Variants in SMG1 observed in about 807,000 individuals in gnomAD.
SMG1 encodes serine/threonine-protein kinase SMG1.
A neutral mutation model predicts 419.9 loss-of-function variants in SMG1; 22 were observed. That is an observed-to-expected ratio of 0.05 (90% CI 0.04 to 0.07). The LOEUF (loss-of-function observed/expected upper bound fraction) is 0.07, where lower values mean the gene tolerates loss of function less well. SMG1 is among the 10% of genes least tolerant of loss of function. SMG1 has a pLI of 1.00. For synonymous variants in SMG1, 1,538 were observed against 1,553.5 expected (o/e 0.99, Z 0.23); for missense variants, 3,185 against 4,342.0 (o/e 0.73, Z 7.49).
chr16:18,877,361 T>C (rs777316402), intron 11 of SMG1, 129 bp from the exon 12 acceptor site: 1 of 554,912 alleles, frequency 1.8e-6, no homozygotes, highest in Admixed American at 3.3e-5. Context: ...TCCAACTACA[T>C]GGCATTCTGG....
In SMG1 at chr16:18,900,150, A is replaced by G. The variant is rs537792408; in HGVS notation, c.93-3194T>C. 1.9e-5 allele frequency: 12 copies of G among 638,196 alleles called. No homozygotes were observed. In the South Asian group the frequency reaches 2.3e-4, roughly 12 times the overall value. 39.5% of individuals were successfully genotyped at this position (638,196 alleles called of 1,614,324 possible). ...TGAGTTAGGTGCCTTTAGTTGAACTATGGTCCCATTAGGGTTCATACATTA... is the reference window on the plus strand; with the variant it reads ...TGAGTTAGGTGCCTTTAGTTGAACTGTGGTCCCATTAGGGTTCATACATTA... On this transcript the variant is annotated intron_variant, in intron 1 of 62. Coordinates refer to ENST00000446231, the MANE Select transcript of SMG1 (RefSeq NM_015092.5).
intron 1 of SMG1, among the ~76,000 whole-genome samples, chr16:18,905,279 C>CA (rs2037516400): frequency 1.3e-5 from 2 of 152,012 alleles, no homozygotes; most frequent in South Asian, 4.2e-4. Context: ...AAACAAAAAA[C>CA]AAAAAAACCC....
chr16:18,872,412 A>C (rs2035870583), intron 14 of SMG1, 67 bp from the exon 15 acceptor site: 2 of 1,477,122 alleles, frequency 1.4e-6, no homozygotes, highest in East Asian at 4.8e-5. Context: ...CCAAAGTTAA[A>C]TCAACATACA....
chr16:18,859,305 C>T (rs1356420827), intron 27 of SMG1, 124 bp from the exon 28 acceptor site: 1 of 681,142 alleles, frequency 1.5e-6, no homozygotes, highest in African/African-American at 1.8e-5. Flanking sequence ...GAGGAGCAGC[C>T]TGCTCTATAA....
At chr16:18,880,737 G>A (rs2036351931) in intron 10 of SMG1, among the ~76,000 whole-genome samples, 2 of 142,604 alleles carry the variant, frequency 1.4e-5, no homozygotes, top group Admixed American at 7.0e-5. Context: ...GGGGCGCGGA[G>A]GGGGAAGCAT....
At position 18,838,071 on chromosome 16, in the gene SMG1, T is replaced by G; in HGVS notation, c.7356A>C (p.Arg2452Ser). Residue 2452 changes from arginine (R) to serine (S), a missense_variant, in exon 45 of 63, where the codon AGA becomes AGC. Arg to Ser is a moderately radical substitution (Grantham distance 110). Coordinates refer to ENST00000446231, the MANE Select transcript of SMG1 (RefSeq NM_015092.5). ...GQQAESKQSK[R>S]EMEREITRSL... ...TGCGGGTGATCTCTCGCTCCATCTC[T>G]CTCTTGCTCTGCTTGCTCTCGGCCT... 6.2e-7 allele frequency: 1 copy of G among 1,613,980 alleles called. No individual in the cohort carries two copies.
At chr16:18,907,060 G>C (rs2037590173) in intron 1 of SMG1, among the ~76,000 whole-genome samples, 1 of 152,100 alleles carries the variant, frequency 6.6e-6, no homozygotes, top group Admixed American at 6.5e-5. Flanking sequence ...GAGGCGGATG[G>C]ATCACTTGAG....
intron 1 of SMG1, among the ~76,000 whole-genome samples, chr16:18,903,365 G>A (rs1200096109): frequency 6.6e-6 from 1 of 152,114 alleles, no homozygotes; most frequent in Non-Finnish European, 1.5e-5. Flanking sequence ...TCACATCCAT[G>A]CCCCAGTGCT....
Position 18,816,524 on chromosome 16 carries a change from A to G in SMG1, c.10080T>C (p.Thr3360=). 1 of 1,613,758 alleles carries G rather than the reference A, an allele frequency of 6.2e-7. No homozygotes were observed. The highest frequency in any genetic ancestry group is 8.5e-7 in the Non-Finnish European group (1 of 1,179,724). The stretch of plus-strand genomic sequence containing the variant: ...AGCTGCCAATAGGATGTTCAAGACC[A>G]GTGTCCTAAATAGAACAAGCATTTG... ...LELRLLQRVD[T]GLEHPIGSSE... is the part of the protein sequence containing the mutation. The change falls in exon 58 of 63, where the codon ACT becomes ACC. Residue 3360 remains threonine (T), a synonymous_variant. Coordinates refer to ENST00000446231, the MANE Select transcript of SMG1 (RefSeq NM_015092.5).
At chr16:18,815,134 TA>T in intron 60 of SMG1, 40 bp downstream of exon 60, 1 of 1,244,878 alleles carries the variant, frequency 8.0e-7, no homozygotes, top group Non-Finnish European at 1.1e-6. Context: ...CATCTATGTG[TA>T]ACATTAACAA....
At position 18,848,020 on chromosome 16, in the gene SMG1, G is replaced by A. The variant is rs781497345; in HGVS notation, c.5637C>T (p.Ser1879=). 3 of 1,613,308 alleles carry A rather than the reference G, an allele frequency of 1.9e-6. No homozygotes were observed. Among genetic ancestry groups the A allele is most frequent in the South Asian group, 1.1e-5 (1 of 91,052 alleles). Residue 1879 remains serine (S), a synonymous_variant, in exon 37 of 63, where the codon TCC becomes TCT. Transcript: ENST00000446231. ...SESQASGNKF[S]TAIPTLLGNI... is the part of the protein sequence containing the mutation. ...TGCCAAGTAAAGTTGGAATTGCAGT[G>A]GAAAATTTATTTCCTGTAATGAAAT...
chr16:18,888,222 G>A (rs1596602065), intron 6 of SMG1, among the ~76,000 whole-genome samples: 1 of 147,272 alleles, frequency 6.8e-6, no homozygotes, highest in Non-Finnish European at 1.5e-5. Context: ...ACACAAATGT[G>A]AAATAAAACT....
chr16:18,876,613 A>C (rs1292011486), intron 12 of SMG1, among the ~76,000 whole-genome samples: 1 of 152,058 alleles, frequency 6.6e-6, no homozygotes, highest in Non-Finnish European at 1.5e-5. Flanking sequence ...TTTATCACAA[A>C]TACAGAGTAC....
chr16:18,885,861 G>A (rs1045501509), intron 6 of SMG1, among the ~76,000 whole-genome samples, 195 bp from the exon 7 acceptor site: 4 of 151,574 alleles, frequency 2.6e-5, no homozygotes, highest in South Asian at 2.1e-4. Flanking sequence ...CACAAGAATC[G>A]CTTGAACCCA....
intron 25 of SMG1, among the ~76,000 whole-genome samples, chr16:18,862,649 GCCC>G (rs924493064): frequency 3.3e-5 from 5 of 151,502 alleles, no homozygotes; most frequent in Non-Finnish European, 7.4e-5. Context: ...TTCCATACTT[GCCC>G]CCCACCTCCA....
At chr16:18,865,870 T>G (rs1451902478) in intron 23 of SMG1, among the ~76,000 whole-genome samples, 1 of 151,968 alleles carries the variant, frequency 6.6e-6, no homozygotes, top group Non-Finnish European at 1.5e-5. Flanking sequence ...TTCACCATGT[T>G]AGGCTAGTCT....
At chr16:18,813,107 G>A (rs972427131) in intron 60 of SMG1, among the ~76,000 whole-genome samples, 4 of 152,084 alleles carry the variant, frequency 2.6e-5, no homozygotes, top group Admixed American at 6.6e-5. Context: ...CTTTGCTATT[G>A]TGAGTAGTGC....
At chr16:18,910,003 G>GA (rs368962179) in intron 1 of SMG1, among the ~76,000 whole-genome samples, 9,932 of 142,146 alleles carry the variant, frequency 0.07, 1,087 homozygotes, top group African/African-American at 0.24. Flanking sequence ...CCTTTTACAA[G>GA]AAAAAAAAAA....
intron 25 of SMG1, 137 bp from the exon 26 acceptor site, chr16:18,860,913 G>T (rs1217057803): frequency 1.2e-5 from 6 of 503,828 alleles, no homozygotes; most frequent in Non-Finnish European, 2.1e-5. Context: ...CTTCCACGAG[G>T]ATGCCATTAT....
Sources: allele counts gnomAD v4.1 joint callset (sites outside exome capture counted in the v4.1 genomes callset), GRCh38; gene constraint gnomAD v4.1.1; transcripts MANE v1.5; gene names NCBI Gene and HGNC (gene_info 2026-07-23, HGNC 2026-07-21).